The following QTMAN variants were observed in gnomAD, a reference collection of about 807,000 sequenced individuals.
QTMAN encodes the protein tRNA-queuosine alpha-mannosyltransferase.
At chr2:144,196,589 C>CA in the QTMAN span, among the ~76,000 whole-genome samples, 1 of 152,062 alleles carries the variant, frequency 6.6e-6, no homozygotes, top group Non-Finnish European at 1.5e-5. Context: ...GAACATTGTT[C>CA]AAATGGTACC....
the QTMAN span, among the ~76,000 whole-genome samples, chr2:144,226,447 G>A: frequency 1.3e-5 from 2 of 152,180 alleles, no homozygotes; most frequent in East Asian, 1.9e-4. Flanking sequence ...GTCTGCTTAA[G>A]GGCCAAATAA....
At chr2:144,106,257 A>G in the QTMAN span, among the ~76,000 whole-genome samples, 8 of 152,324 alleles carry the variant, frequency 5.3e-5, no homozygotes, top group African/African-American at 1.9e-4. Context: ...ACATAACAAT[A>G]TTAACCTTAA....
chr2:144,107,483 G>A, the QTMAN span, among the ~76,000 whole-genome samples: 2 of 152,306 alleles, frequency 1.3e-5, no homozygotes, highest in African/African-American at 4.8e-5. Flanking sequence ...ACAACTCTAT[G>A]AAAATAAACT....
chr2:143,991,785 G>A, the QTMAN span, among the ~76,000 whole-genome samples: 1 of 149,996 alleles, frequency 6.7e-6, no homozygotes, highest in Non-Finnish European at 1.5e-5. Context: ...GAGGGAGGTG[G>A]GGGGTCAGCC....
the QTMAN span, among the ~76,000 whole-genome samples, chr2:144,281,395 C>CAAAAAAAAAAAAAAAA: frequency 1.7e-5 from 1 of 60,594 alleles, no homozygotes; most frequent in Non-Finnish European, 3.0e-5. Context: ...ATTGTTATAG[C>CAAAAAAAAAAAAAAAA]AAAAAAAAAA....
At chr2:144,042,149 T>A in the QTMAN span, among the ~76,000 whole-genome samples, 1 of 152,110 alleles carries the variant, frequency 6.6e-6, no homozygotes, top group Non-Finnish European at 1.5e-5. Flanking sequence ...TTTGCCAGTA[T>A]GATTGATATT....
the QTMAN span, among the ~76,000 whole-genome samples, chr2:144,138,662 T>C: frequency 6.6e-6 from 1 of 151,978 alleles, no homozygotes; most frequent in Non-Finnish European, 1.5e-5. Flanking sequence ...AGATGGAGAA[T>C]ATGCACCCAG....
At chr2:144,276,246 G>A in the QTMAN span, among the ~76,000 whole-genome samples, 1 of 151,954 alleles carries the variant, frequency 6.6e-6, no homozygotes, top group African/African-American at 2.4e-5. Context: ...GGGGTCTTAC[G>A]ATGTTGCCCA....
the QTMAN span, among the ~76,000 whole-genome samples, chr2:144,001,018 AAGAT>A: frequency 6.6e-6 from 1 of 151,956 alleles, no homozygotes; most frequent in East Asian, 1.9e-4. Context: ...TAAAGGCTGA[AAGAT>A]TTAAGATGGC....
the QTMAN span, among the ~76,000 whole-genome samples, chr2:144,209,210 A>G: frequency 6.6e-6 from 1 of 152,202 alleles, no homozygotes; most frequent in African/African-American, 2.4e-5. Context: ...CACTGAACTC[A>G]TCTTCTAATG....
chr2:143,983,268 T>C, the QTMAN span, among the ~76,000 whole-genome samples: 2 of 152,186 alleles, frequency 1.3e-5, no homozygotes, highest in East Asian at 3.8e-4. Context: ...CAATTTGCAG[T>C]GCCAGGCAAA....
chr2:144,101,621 A>G, the QTMAN span, among the ~76,000 whole-genome samples: 1 of 152,138 alleles, frequency 6.6e-6, no homozygotes, highest in Admixed American at 6.6e-5. Flanking sequence ...GCCTCCCCAC[A>G]GAATTCTCCA....
chr2:143,946,998 G>A, the QTMAN span: 3 of 1,278,672 alleles, frequency 2.3e-6, no homozygotes, highest in Non-Finnish European at 3.4e-6. Context: ...GCACACTCTG[G>A]AAAGTTCTTC....
the QTMAN span, among the ~76,000 whole-genome samples, chr2:144,201,097 GA>G: frequency 7.2e-5 from 11 of 152,168 alleles, no homozygotes; most frequent in African/African-American, 1.2e-4. Context: ...AAAATGGGGA[GA>G]AAAAAATCAA....
At chr2:144,263,132 A>C in the QTMAN span, among the ~76,000 whole-genome samples, 1 of 151,718 alleles carries the variant, frequency 6.6e-6, no homozygotes, top group Non-Finnish European at 1.5e-5. Flanking sequence ...GTACACAGCA[A>C]GTTTTCAGGA....
the QTMAN span, among the ~76,000 whole-genome samples, chr2:144,136,395 A>AAAAGGAGAGGAAAGG: frequency 1.0e-5 from 1 of 97,434 alleles, no homozygotes; most frequent in Non-Finnish European, 1.9e-5. Flanking sequence ...AAGGAAAAGG[A>AAAAGGAGAGGAAAGG]AAAGGAAAGG....
At chr2:144,193,369 CT>C in the QTMAN span, among the ~76,000 whole-genome samples, 1 of 149,308 alleles carries the variant, frequency 6.7e-6, no homozygotes, top group Non-Finnish European at 1.5e-5. Flanking sequence ...AAAATGACCC[CT>C]ATTTTAATCC....
the QTMAN span, among the ~76,000 whole-genome samples, chr2:144,019,669 C>A: frequency 6.6e-6 from 1 of 152,122 alleles, no homozygotes; most frequent in Non-Finnish European, 1.5e-5. Context: ...GCCTATGCAG[C>A]TCCCACTTCA....
At chr2:144,188,227 A>T in the QTMAN span, among the ~76,000 whole-genome samples, 103 of 152,192 alleles carry the variant, frequency 6.8e-4, 1 homozygote, top group East Asian at 0.019. Flanking sequence ...TATTAGAAGA[A>T]CTCCAAGAAA....
Sources: allele counts gnomAD v4.1 joint callset (sites outside exome capture counted in the v4.1 genomes callset), GRCh38; gene constraint gnomAD v4.1.1; transcripts MANE v1.5; gene names NCBI Gene and HGNC (gene_info 2026-07-23, HGNC 2026-07-21).